PALLD: variants seen among roughly 807,000 people sequenced by gnomAD.
PALLD encodes the protein palladin.
Under a neutral mutation model 123.5 loss-of-function variants are expected in PALLD, and 61 were observed. The observed-to-expected ratio is 0.49, with a 90% CI of 0.40 to 0.61. The LOEUF is 0.61. PALLD is among the 20% of genes least tolerant of loss of function. The pLI is 0.00. For missense variants in PALLD, 1,273 were observed against 1,377.0 expected (o/e 0.92, Z 1.20); for synonymous variants, 465 against 496.4 (o/e 0.94, Z 0.84).
At chr4:168,556,312 C>G (rs914625672) in intron 2 of PALLD, among the ~76,000 whole-genome samples, 2 of 151,984 alleles carry the variant, frequency 1.3e-5, no homozygotes, top group African/African-American at 2.4e-5. Flanking sequence ...AGCCAGGATG[C>G]TCTCGATCTC....
chr4:168,682,363 G>T (rs1781631271), intron 4 of PALLD, among the ~76,000 whole-genome samples: 1 of 152,046 alleles, frequency 6.6e-6, no homozygotes, highest in African/African-American at 2.4e-5. Context: ...ACCACCCCTG[G>T]TTTTTATAAG....
intron 2 of PALLD, among the ~76,000 whole-genome samples, chr4:168,654,422 A>G (rs953667764): frequency 5.9e-5 from 9 of 152,232 alleles, no homozygotes; most frequent in African/African-American, 1.9e-4. Flanking sequence ...GACTGTAGCC[A>G]GGTAGTGAGG....
rs1307211467 is a variant in PALLD at position 168,926,392 on chromosome 4, A to AT, written c.*214dup. The AT allele has an allele frequency of 6.5e-7, 1 of 1,534,638 alleles. No individual in the cohort carries two copies. Among genetic ancestry groups the AT allele is most frequent in the African/African-American group, 1.4e-5 (1 of 72,988 alleles). On this transcript the variant is annotated 3_prime_UTR_variant, in exon 22 of 22. Transcript: ENST00000505667. ...AGAAAGTGAGGACCTGTAATCCAGC[A>AT]TTCTTGTTAAAGCTGAAACACTGAA...
chr4:168,792,668 G>A (rs1190364799), intron 10 of PALLD, among the ~76,000 whole-genome samples: 1 of 152,038 alleles, frequency 6.6e-6, no homozygotes, highest in Non-Finnish European at 1.5e-5. Context: ...AGTAGTCTTC[G>A]CAATCAAGGA....
At chr4:168,698,739 A>C (rs1783399122) in intron 8 of PALLD, among the ~76,000 whole-genome samples, 1 of 152,092 alleles carries the variant, frequency 6.6e-6, no homozygotes. Context: ...GGTTCTTGGG[A>C]TCTTTTTCCT....
intron 2 of PALLD, among the ~76,000 whole-genome samples, chr4:168,549,511 C>T (rs748632173): frequency 1.3e-5 from 2 of 152,012 alleles, no homozygotes; most frequent in Admixed American, 1.3e-4. Context: ...TTATTTTTTC[C>T]ATCCTTTATT....
intron 2 of PALLD, among the ~76,000 whole-genome samples, chr4:168,660,560 G>A (rs777302785): frequency 2.6e-5 from 4 of 151,856 alleles, no homozygotes; most frequent in African/African-American, 4.8e-5. Flanking sequence ...AAATCCTTAC[G>A]GGGAGGGAGG....
chr4:168,705,538 C>G (rs964414401), intron 8 of PALLD, among the ~76,000 whole-genome samples: 2 of 152,204 alleles, frequency 1.3e-5, no homozygotes. Flanking sequence ...TATTGTTCTT[C>G]AAGAAAGATG....
intron 8 of PALLD, among the ~76,000 whole-genome samples, chr4:168,706,572 G>T (rs113483581): frequency 4.2e-4 from 64 of 152,202 alleles, no homozygotes; most frequent in African/African-American, 1.5e-3. Context: ...AAGAATCCTT[G>T]CATTTTAGCT....
Position 168,716,902 on chromosome 4 carries a change from C to T in PALLD, c.1964+4979C>T, listed in dbSNP as rs150126774. ...ACACTCCTAGACACAAATTGAAGTA[C>T]AAGTTGTTCCCTTGCCTGGAATGTT... On this transcript the variant is annotated intron_variant, in intron 10 of 21. Transcript: ENST00000505667. Among the ~76,000 whole-genome samples the T allele has an allele frequency of 5.9e-5, 9 of 152,236 alleles. No individual in the cohort carries two copies. In the East Asian group the frequency reaches 9.7e-4, roughly 16 times the overall value.
At chr4:168,588,821 C>T (rs528595110) in intron 2 of PALLD, among the ~76,000 whole-genome samples, 3 of 150,444 alleles carry the variant, frequency 2.0e-5, no homozygotes, top group East Asian at 1.9e-4. Context: ...AAAAAATAGC[C>T]GTGTTCAATC....
intron 10 of PALLD, among the ~76,000 whole-genome samples, chr4:168,808,548 A>G (rs1740580027): frequency 6.6e-6 from 1 of 152,230 alleles, no homozygotes; most frequent in Non-Finnish European, 1.5e-5. Flanking sequence ...GAGGAAGCAC[A>G]TCCAGAGAAG....
At chr4:168,555,757 G>T (rs1157101434) in intron 2 of PALLD, among the ~76,000 whole-genome samples, 2 of 152,072 alleles carry the variant, frequency 1.3e-5, no homozygotes, top group Admixed American at 1.3e-4. Flanking sequence ...CAAAGCAGTT[G>T]ATTTAATCCC....
chr4:168,878,315 T>A, intron 10 of PALLD: 1 of 1,526,754 alleles, frequency 6.5e-7, no homozygotes, highest in Non-Finnish European at 8.7e-7. Context: ...GCCCGCGGCC[T>A]TCCTCAGCGC....
At chr4:168,859,587 C>A (rs1176064089) in intron 10 of PALLD, among the ~76,000 whole-genome samples, 2 of 152,202 alleles carry the variant, frequency 1.3e-5, no homozygotes, top group South Asian at 2.1e-4. Flanking sequence ...CTATCATGGA[C>A]AAATCTATCA....
intron 10 of PALLD, among the ~76,000 whole-genome samples, chr4:168,806,850 A>C (rs2150715101): frequency 6.6e-6 from 1 of 152,332 alleles, no homozygotes; most frequent in South Asian, 2.1e-4. Flanking sequence ...TGGGCTGACA[A>C]GATGTATAGA....
intron 10 of PALLD, among the ~76,000 whole-genome samples, chr4:168,876,425 C>A (rs1751762209): frequency 6.6e-6 from 1 of 152,220 alleles, no homozygotes; most frequent in Non-Finnish European, 1.5e-5. Flanking sequence ...CCACAAAGTT[C>A]TTTGCTGTTC....
chr4:168,573,641 C>T (rs1026852886), intron 2 of PALLD, among the ~76,000 whole-genome samples: 9 of 151,960 alleles, frequency 5.9e-5, no homozygotes, highest in Non-Finnish European at 7.4e-5. Flanking sequence ...TCTAAAAGAA[C>T]GTGGGAAGTT....
At chr4:168,685,649 A>G (rs1054976406) in intron 6 of PALLD, 90 bp downstream of exon 6, 29 of 870,404 alleles carry the variant, frequency 3.3e-5, no homozygotes, top group Middle Eastern at 4.3e-4. Flanking sequence ...TTTAAAAATT[A>G]AAAGGAACAG....
Sources: allele counts gnomAD v4.1 joint callset (sites outside exome capture counted in the v4.1 genomes callset), GRCh38; gene constraint gnomAD v4.1.1; transcripts MANE v1.5; gene names NCBI Gene and HGNC (gene_info 2026-07-23, HGNC 2026-07-21).